TACR1: variants seen among roughly 807,000 people sequenced by gnomAD.
The protein encoded by TACR1 is tachykinin receptor 1.
A neutral mutation model predicts 35.8 loss-of-function variants in TACR1; 25 were observed. The observed-to-expected ratio is 0.70, with a 90% confidence interval of 0.51 to 0.98. The LOEUF (loss-of-function observed/expected upper bound fraction) is 0.98, where lower values mean the gene tolerates loss of function less well. TACR1 is among the 50% of genes least tolerant of loss of function. TACR1 has a pLI of 0.00. For missense variants in TACR1, 478 were observed against 522.9 expected (o/e 0.91, Z 0.84); for synonymous variants, 195 against 206.7 (o/e 0.94, Z 0.48).
rs565171741 is a variant in TACR1, at chr2:75,150,729, G to A, written c.390-29961C>T. 1.1e-4 allele frequency among the ~76,000 whole-genome samples: 16 copies of A among 152,324 alleles called. No homozygotes were observed. The South Asian group carries it at 2.3e-3, about 22-fold the overall frequency. On this transcript the variant is annotated intron_variant, in intron 1 of 4. Coordinates refer to ENST00000305249, the MANE Select transcript of TACR1 (RefSeq NM_001058.4). ...AAAAGATACCTGAAAATGTGGAAGC[G>A]ACTTTGGAACTGGGTAACAGGTAGA...
chr2:75,051,130 C>T, intron 4 of TACR1, 121 bp downstream of exon 4: 1 of 1,250,804 alleles, frequency 8.0e-7, no homozygotes, highest in Non-Finnish European at 1.1e-6. Context: ...AAGTTAGCTG[C>T]AGTCCCCACT....
At chr2:75,123,546 C>G (rs1674013743) in intron 1 of TACR1, among the ~76,000 whole-genome samples, 1 of 152,184 alleles carries the variant, frequency 6.6e-6, no homozygotes, top group African/African-American at 2.4e-5. Flanking sequence ...AGTTAACTCT[C>G]TACCGTTCTT....
intron 2 of TACR1, among the ~76,000 whole-genome samples, chr2:75,115,226 A>T (rs1673827702): frequency 6.6e-6 from 1 of 152,096 alleles, no homozygotes; most frequent in Admixed American, 6.6e-5. Context: ...CTATTAAATT[A>T]TAAAAAGATG....
chr2:75,169,700 A>G (rs186135800), intron 1 of TACR1, among the ~76,000 whole-genome samples: 1 of 152,304 alleles, frequency 6.6e-6, no homozygotes, highest in East Asian at 1.9e-4. Context: ...CCCATTTTAT[A>G]TTGATTCTGG....
intron 2 of TACR1, among the ~76,000 whole-genome samples, chr2:75,083,066 A>G (rs1460220951): frequency 2.6e-5 from 4 of 152,154 alleles, no homozygotes; most frequent in Non-Finnish European, 4.4e-5. Flanking sequence ...TAGGTCTAAC[A>G]TTTAAGTCTT....
intron 1 of TACR1, among the ~76,000 whole-genome samples, chr2:75,160,324 GA>G (rs1304603626): frequency 6.6e-6 from 1 of 151,940 alleles, no homozygotes; most frequent in East Asian, 1.9e-4. Flanking sequence ...TCAAAAGGCA[GA>G]AAAAAACAGT....
At chr2:75,117,133 TTG>T (rs3079167) in intron 2 of TACR1, among the ~76,000 whole-genome samples, 3,416 of 148,704 alleles carry the variant, frequency 0.023, 91 homozygotes, top group African/African-American at 0.061. Context: ...ACTTTGTGGA[TTG>T]TGTGTGTGTG....
chr2:75,155,899 G>A (rs1389501325), intron 1 of TACR1, among the ~76,000 whole-genome samples: 1 of 152,178 alleles, frequency 6.6e-6, no homozygotes, highest in Non-Finnish European at 1.5e-5. Flanking sequence ...TGGCCCATAG[G>A]CCAAAGCTGG....
At chr2:75,051,108 T>G in intron 4 of TACR1, 143 bp downstream of exon 4, 2 of 1,016,416 alleles carry the variant, frequency 2.0e-6, no homozygotes, top group Admixed American at 2.1e-5. Context: ...CCAGGCTGAG[T>G]TGTGTGATGA....
At chr2:75,186,902 T>G (rs1675720108) in intron 1 of TACR1, 1 of 152,220 alleles carries the variant, frequency 6.6e-6, no homozygotes, top group Non-Finnish European at 1.5e-5. Context: ...AAGCAAGGAA[T>G]TTTTATCCAG....
chr2:75,080,412 A>G (rs1673062630), intron 2 of TACR1, among the ~76,000 whole-genome samples: 1 of 152,190 alleles, frequency 6.6e-6, no homozygotes, highest in Non-Finnish European at 1.5e-5. Context: ...TATGCTCAAA[A>G]ATAGCTATTT....
chr2:75,188,138 C>T (rs1426321516), intron 1 of TACR1: 3 of 152,160 alleles, frequency 2.0e-5, no homozygotes, highest in African/African-American at 7.2e-5. Context: ...GTTCCCATCA[C>T]GAATTCTAAA....
At chr2:75,172,476 C>A (rs964738104) in intron 1 of TACR1, among the ~76,000 whole-genome samples, 1 of 152,024 alleles carries the variant, frequency 6.6e-6, no homozygotes, top group African/African-American at 2.4e-5. Context: ...GGGCTGTCCC[C>A]CGTCTAGGCA....
At chr2:75,144,326 T>C (rs1674464452) in intron 1 of TACR1, among the ~76,000 whole-genome samples, 1 of 152,222 alleles carries the variant, frequency 6.6e-6, no homozygotes, top group Admixed American at 6.5e-5. Flanking sequence ...ACATGAGTTC[T>C]CTTTGGTGCA....
At chr2:75,065,201 G>A (rs938100395) in intron 2 of TACR1, among the ~76,000 whole-genome samples, 3 of 152,218 alleles carry the variant, frequency 2.0e-5, no homozygotes, top group South Asian at 4.1e-4. Flanking sequence ...CAAGAAAGCA[G>A]CATGCATTTT....
chr2:75,169,994 G>C (rs1488274464), intron 1 of TACR1, among the ~76,000 whole-genome samples: 1 of 151,546 alleles, frequency 6.6e-6, no homozygotes, highest in Non-Finnish European at 1.5e-5. Context: ...GATTTCTTTT[G>C]TTTTTTTCCT....
intron 2 of TACR1, among the ~76,000 whole-genome samples, chr2:75,060,037 C>A (rs1672641672): frequency 6.6e-6 from 1 of 152,224 alleles, no homozygotes; most frequent in African/African-American, 2.4e-5. Context: ...GCAAAAATTG[C>A]AACTGGTTAA....
At chr2:75,173,860 C>G (rs2104024216) in intron 1 of TACR1, among the ~76,000 whole-genome samples, 1 of 152,278 alleles carries the variant, frequency 6.6e-6, no homozygotes, top group Middle Eastern at 3.4e-3. Context: ...TGTTCTTATG[C>G]AAAGAACAGT....
chr2:75,154,830 C>G (rs892826781), intron 1 of TACR1, among the ~76,000 whole-genome samples: 1 of 152,138 alleles, frequency 6.6e-6, no homozygotes, highest in Non-Finnish European at 1.5e-5. Context: ...CTGCTTAGCT[C>G]CTGGTACTCC....
Sources: gnomAD v4.1 joint callset for allele counts (sites outside exome capture counted in the v4.1 genomes callset) on GRCh38, gnomAD v4.1.1 for gene constraint, MANE v1.5 for transcripts, NCBI Gene and HGNC (gene_info 2026-07-23, HGNC 2026-07-21) for gene names.